STEAP1B: variants seen among roughly 807,000 people sequenced by gnomAD.
STEAP1B encodes STEAP family member 1B.
In STEAP1B, 13 loss-of-function variants were observed where a neutral mutation model predicts 27.9. That is an observed-to-expected ratio of 0.47 (90% CI 0.30 to 0.74). The LOEUF is 0.74. Among genes scored for constraint, STEAP1B ranks in the 30% least tolerant of loss-of-function variants. The pLI is 0.06. For missense variants in STEAP1B, 250 were observed against 298.7 expected (o/e 0.84, Z 1.20); for synonymous variants, 86 against 107.1 (o/e 0.80, Z 1.22).
intron 4 of STEAP1B, among the ~76,000 whole-genome samples, chr7:22,448,408 G>T (rs79175211): frequency 0.028 from 4,195 of 151,586 alleles, 91 homozygotes; most frequent in Non-Finnish European, 0.045. Context: ...TTTTTTCCTT[G>T]AACTCATATT....
chr7:22,457,928 C>T (rs951235102), intron 4 of STEAP1B, among the ~76,000 whole-genome samples: 7 of 152,106 alleles, frequency 4.6e-5, no homozygotes, highest in African/African-American at 1.7e-4. Context: ...TCCTTTGTCC[C>T]CAAAAAACCC....
intron 4 of STEAP1B, among the ~76,000 whole-genome samples, chr7:22,483,108 G>A (rs1268303073): frequency 6.6e-6 from 1 of 152,176 alleles, no homozygotes; most frequent in African/African-American, 2.4e-5. Context: ...GGATGGAAAA[G>A]GGGTAGGGAG....
intron 4 of STEAP1B, among the ~76,000 whole-genome samples, chr7:22,421,532 C>T (rs961790157): frequency 6.6e-6 from 1 of 152,120 alleles, no homozygotes; most frequent in African/African-American, 2.4e-5. Context: ...AGAGTTAGGC[C>T]CTTTGGGGTT....
At chr7:22,421,430 G>C (rs1464085197) in intron 4 of STEAP1B, among the ~76,000 whole-genome samples, 1 of 152,238 alleles carries the variant, frequency 6.6e-6, no homozygotes, top group Non-Finnish European at 1.5e-5. Flanking sequence ...GGCAGTTGAG[G>C]AAACTGAGGC....
intron 4 of STEAP1B, among the ~76,000 whole-genome samples, chr7:22,442,550 G>A (rs1338841629): frequency 2.0e-5 from 3 of 152,256 alleles, no homozygotes; most frequent in Non-Finnish European, 4.4e-5. Context: ...CCTGGGGTTG[G>A]AGGTGGGGAT....
At chr7:22,454,853 A>C (rs1442014419) in intron 4 of STEAP1B, among the ~76,000 whole-genome samples, 1 of 69,418 alleles carries the variant, frequency 1.4e-5, no homozygotes, top group Non-Finnish European at 2.6e-5. Context: ...ATATATGTAT[A>C]TATATATATA....
At chr7:22,473,220 C>A (rs564852441) in intron 4 of STEAP1B, among the ~76,000 whole-genome samples, 2 of 152,302 alleles carry the variant, frequency 1.3e-5, no homozygotes, top group South Asian at 2.1e-4. Context: ...GAAGAAACTG[C>A]AACTCACACC....
At chr7:22,459,089 T>C (rs1785636264) in intron 4 of STEAP1B, among the ~76,000 whole-genome samples, 1 of 152,206 alleles carries the variant, frequency 6.6e-6, no homozygotes, top group Non-Finnish European at 1.5e-5. Flanking sequence ...CCTCTCAGCA[T>C]GTCAGACCCA....
chr7:22,488,417 G>A (rs1456345670), intron 4 of STEAP1B, among the ~76,000 whole-genome samples: 1 of 152,206 alleles, frequency 6.6e-6, no homozygotes, highest in Non-Finnish European at 1.5e-5. Flanking sequence ...AAGAAGGCGA[G>A]TGCCCTTGCC....
At chr7:22,492,337 AAAAAAAAAAAGG>A (rs1786340423) in intron 4 of STEAP1B, 2 of 290,674 alleles carry the variant, frequency 6.9e-6, no homozygotes, top group East Asian at 2.3e-4. Context: ...AAAAAAAAAA[AAAAAAAAAAAGG>A]ATATTTTAAT....
chr7:22,471,107 C>T (rs1785874734), intron 4 of STEAP1B, among the ~76,000 whole-genome samples: 1 of 152,136 alleles, frequency 6.6e-6, no homozygotes, highest in Non-Finnish European at 1.5e-5. Flanking sequence ...TCAGCATTTC[C>T]TACGGAGTGC....
At chr7:22,456,972 ATTTTTTTT>A (rs3064738) in intron 4 of STEAP1B, among the ~76,000 whole-genome samples, 1 of 57,046 alleles carries the variant, frequency 1.8e-5, no homozygotes, top group Non-Finnish European at 3.3e-5. Context: ...ATATATATAT[ATTTTTTTT>A]TTTTTTAAGT....
At chr7:22,471,083 T>G (rs1435930627) in intron 4 of STEAP1B, among the ~76,000 whole-genome samples, 1 of 152,188 alleles carries the variant, frequency 6.6e-6, no homozygotes, top group Non-Finnish European at 1.5e-5. Flanking sequence ...CCTTTCCTTC[T>G]TCAAACTTCT....
intron 4 of STEAP1B, among the ~76,000 whole-genome samples, chr7:22,464,954 TATATATATATGTAGGC>T (rs1297547845): frequency 2.6e-5 from 3 of 116,276 alleles, no homozygotes; most frequent in Non-Finnish European, 3.7e-5. Context: ...ACCCCATATA[TATATATATATGTAGGC>T]ACAATAAGAG....
intron 4 of STEAP1B, among the ~76,000 whole-genome samples, chr7:22,441,067 T>C (rs1019621136): frequency 3.3e-5 from 5 of 151,656 alleles, no homozygotes; most frequent in African/African-American, 1.2e-4. Flanking sequence ...TAGAAAATGT[T>C]ATTTTCTATC....
chr7:22,466,236 T>C (rs1418826949), intron 4 of STEAP1B, among the ~76,000 whole-genome samples: 2 of 152,196 alleles, frequency 1.3e-5, no homozygotes, highest in Non-Finnish European at 2.9e-5. Context: ...TTTCCAACTT[T>C]TAGGTTCAGG....
intron 4 of STEAP1B, chr7:22,492,319 C>CA (rs56679156): frequency 0.027 from 1,479 of 54,730 alleles, 108 homozygotes; most frequent in African/African-American, 0.059. Context: ...ACTTCATCTC[C>CA]AAAAAAAAAA....
At chr7:22,428,768 G>A (rs185140111) in intron 4 of STEAP1B, among the ~76,000 whole-genome samples, 4 of 152,098 alleles carry the variant, frequency 2.6e-5, no homozygotes, top group African/African-American at 9.6e-5. Context: ...CTCCAGCCTG[G>A]TGACAGAGCG....
At chr7:22,447,943 T>C (rs754422498) in intron 4 of STEAP1B, among the ~76,000 whole-genome samples, 18 of 152,240 alleles carry the variant, frequency 1.2e-4, no homozygotes, top group Admixed American at 2.6e-4. Flanking sequence ...CATGAAGGCA[T>C]TGGATAAACG....
Sources: gnomAD v4.1 joint callset for allele counts (sites outside exome capture counted in the v4.1 genomes callset) on GRCh38, gnomAD v4.1.1 for gene constraint, MANE v1.5 for transcripts, NCBI Gene and HGNC (gene_info 2026-07-23, HGNC 2026-07-21) for gene names.